FAM117B: variants seen among roughly 807,000 people sequenced by gnomAD.
FAM117B encodes protein FAM117B.
In FAM117B, 22 loss-of-function variants were observed where a neutral mutation model predicts 52.8. The observed-to-expected ratio is 0.42, with a 90% CI of 0.30 to 0.59. The LOEUF is 0.59. Among genes scored for constraint, FAM117B ranks in the 20% least tolerant of loss-of-function variants. The pLI is 0.22. For synonymous variants in FAM117B, 309 were observed against 324.1 expected, an observed-to-expected ratio of 0.95 and a Z score of 0.50; for missense variants, 678 against 802.6, an observed-to-expected ratio of 0.84 and a Z score of 1.88.
At chr2:202,677,564 A>G (rs1690398548) in intron 1 of FAM117B, among the ~76,000 whole-genome samples, 2 of 152,194 alleles carry the variant, frequency 1.3e-5, no homozygotes, top group African/African-American at 4.8e-5. Flanking sequence ...GAGGCCTTCT[A>G]ACGTGTAGTG....
intron 4 of FAM117B, among the ~76,000 whole-genome samples, chr2:202,745,740 T>G (rs1691621657): frequency 6.6e-6 from 1 of 151,922 alleles, no homozygotes; most frequent in Non-Finnish European, 1.5e-5. Flanking sequence ...TGATTTAAAG[T>G]GAAGGGATGG....
At chr2:202,725,291 C>A in intron 3 of FAM117B, 3 of 190,864 alleles carry the variant, frequency 1.6e-5, no homozygotes, top group East Asian at 1.2e-4. Flanking sequence ...AACAAATTCA[C>A]ATTTATTCTT....
chr2:202,637,592 AT>A (rs1351824044), intron 1 of FAM117B, among the ~76,000 whole-genome samples: 1 of 152,196 alleles, frequency 6.6e-6, no homozygotes, highest in Non-Finnish European at 1.5e-5. Context: ...TAAAACTGTG[AT>A]AAAAGTACTA....
intron 4 of FAM117B, among the ~76,000 whole-genome samples, chr2:202,730,510 AAAC>A (rs1189414501): frequency 6.6e-6 from 1 of 152,082 alleles, no homozygotes; most frequent in Non-Finnish European, 1.5e-5. Context: ...TCTCTACTAA[AAAC>A]ACAAAAATAA....
At position 202,722,256 on chromosome 2, in the gene FAM117B, C is replaced by T. The variant is rs187416055; in HGVS notation, c.754-2661C>T. On this transcript the variant is annotated intron_variant, in intron 2 of 7. Coordinates refer to ENST00000392238, the MANE Select transcript of FAM117B (RefSeq NM_173511.4). ...CAAACTTCTGACTTCGTGATCCACC[C>T]GCCTCGGCCTCCTGGGATTACAGGC... Among the ~76,000 whole-genome samples, 873 of 152,038 alleles carry T rather than the reference C, an allele frequency of 5.7e-3. 7 individuals are homozygous for T. Among genetic ancestry groups the T allele is most frequent in the Non-Finnish European group, 9.3e-3 (635 of 67,992 alleles).
At position 202,765,696 on chromosome 2, in the gene FAM117B, A is replaced by G. The variant is rs1445784435; in HGVS notation, c.1702A>G (p.Thr568Ala). The change falls in exon 8 of 8, where the codon ACA (threonine) becomes GCA (alanine). Residue 568 changes from threonine (T) to alanine (A), a missense_variant. Thr to Ala is a moderately conservative substitution (Grantham distance 58). Around this residue, in one of 3 missense-constraint regions of FAM117B, gnomAD observed 68 missense variants for 80.6 expected, o/e 0.84. Coordinates refer to ENST00000392238, the MANE Select transcript of FAM117B (RefSeq NM_173511.4). ...NTEQDRVSRG[T>A]STVMPSASLL... ...AGAGCAAGACCGAGTCTCTCGAGGAACAAGTACAGTCATGCCATCAGCTTC... is the reference window on the plus strand; with the variant it reads ...AGAGCAAGACCGAGTCTCTCGAGGAGCAAGTACAGTCATGCCATCAGCTTC... 1.9e-6 allele frequency: 3 copies of G among 1,614,044 alleles called. No individual in the cohort carries two copies. Among genetic ancestry groups the G allele is most frequent in the Non-Finnish European group, 2.5e-6 (3 of 1,180,042 alleles).
At chr2:202,755,805 T>A (rs1303779246) in intron 5 of FAM117B, 124 bp downstream of exon 5, 3 of 986,560 alleles carry the variant, frequency 3.0e-6, no homozygotes, top group Non-Finnish European at 2.9e-6. Context: ...TTTATCTCTT[T>A]TGAAAAATCT....
At chr2:202,667,913 A>G (rs1467291939) in intron 1 of FAM117B, among the ~76,000 whole-genome samples, 1 of 151,834 alleles carries the variant, frequency 6.6e-6, no homozygotes, top group Non-Finnish European at 1.5e-5. Context: ...GGATAGTAGT[A>G]GAGTAGTATT....
At chr2:202,760,898 C>T (rs1460767399) in intron 7 of FAM117B, among the ~76,000 whole-genome samples, 1 of 152,146 alleles carries the variant, frequency 6.6e-6, no homozygotes, top group Non-Finnish European at 1.5e-5. Context: ...GGAGTTGTGC[C>T]TGCCCCCCTC....
rs968286384 is a variant in FAM117B, at chr2:202,684,779, T to C, written c.602-11102T>C. ...CAGAAACATATATTAAACAAGATCA[T>C]GTATTGATTGGTTGATGAAAGTGTT... On this transcript the variant is annotated intron_variant, in intron 1 of 7. Coordinates refer to ENST00000392238, the MANE Select transcript of FAM117B (RefSeq NM_173511.4). Among the ~76,000 whole-genome samples, 17 of 152,134 alleles carry C rather than the reference T, an allele frequency of 1.1e-4. 1 individual carries two copies. Among genetic ancestry groups the C allele is most frequent in the Admixed American group, 1.1e-3 (17 of 15,256 alleles).
At chr2:202,758,839 C>T (rs556957609) in intron 6 of FAM117B, among the ~76,000 whole-genome samples, 53 of 152,228 alleles carry the variant, frequency 3.5e-4, no homozygotes, top group African/African-American at 1.3e-3. Flanking sequence ...TTGTAACCAG[C>T]GGAGCAGAGA....
chr2:202,738,513 A>G (rs1691475459), intron 4 of FAM117B, among the ~76,000 whole-genome samples: 1 of 152,354 alleles, frequency 6.6e-6, no homozygotes, highest in East Asian at 1.9e-4. Context: ...ATCTAAGATT[A>G]GTGAAGTACT....
intron 2 of FAM117B, among the ~76,000 whole-genome samples, chr2:202,721,610 C>T (rs1203709236): frequency 1.3e-5 from 2 of 152,032 alleles, no homozygotes; most frequent in Non-Finnish European, 2.9e-5. Flanking sequence ...CTTTAATTAC[C>T]TTATAATTTT....
At position 202,766,982 on chromosome 2, in the gene FAM117B, C is replaced by G. The variant is rs1410194835; in HGVS notation, c.*1218C>G. 1 of 152,538 alleles carries G rather than the reference C, an allele frequency of 6.6e-6. No individual in the cohort carries two copies. The highest frequency in any genetic ancestry group is 2.4e-5 in the African/African-American group (1 of 41,400). The allele number at this position is 152,538 out of a possible 1,614,324, so 9.4% of individuals were successfully genotyped here. On this transcript the variant is annotated 3_prime_UTR_variant, in exon 8 of 8. Transcript: ENST00000392238. ...CTACAGATTTTGCTAATTTACCCCCCTAACGCTTCACATAGTGGGGAAAAT... is the reference window on the plus strand; with the variant it reads ...CTACAGATTTTGCTAATTTACCCCCGTAACGCTTCACATAGTGGGGAAAAT...
At chr2:202,761,653 A>G (rs1175228890) in intron 7 of FAM117B, among the ~76,000 whole-genome samples, 3 of 152,048 alleles carry the variant, frequency 2.0e-5, no homozygotes, top group African/African-American at 7.3e-5. Context: ...CAGCCTCCCA[A>G]GTAGCTGGGA....
chr2:202,662,232 G>T (rs1690141666), intron 1 of FAM117B, among the ~76,000 whole-genome samples: 2 of 152,038 alleles, frequency 1.3e-5, no homozygotes, highest in Non-Finnish European at 1.5e-5. Flanking sequence ...GTCATTTGTG[G>T]CAGCATGGGT....
chr2:202,682,537 G>A lies in FAM117B; in HGVS notation c.602-13344G>A, dbSNP rs192155088. 1.8e-3 allele frequency among the ~76,000 whole-genome samples: 276 copies of A among 152,244 alleles called. 5 individuals carry two copies. Among genetic ancestry groups the A allele is most frequent in the East Asian group, 7.7e-4 (4 of 5,174 alleles). On this transcript the variant is annotated intron_variant, in intron 1 of 7. Coordinates refer to ENST00000392238, the MANE Select transcript of FAM117B (RefSeq NM_173511.4). ...GCCGAAGTGGCTGGCTAGTTCCAGCGCCCATACATCCCTGTTACTGCCTGA... is the reference window on the plus strand; with the variant it reads ...GCCGAAGTGGCTGGCTAGTTCCAGCACCCATACATCCCTGTTACTGCCTGA...
intron 2 of FAM117B, among the ~76,000 whole-genome samples, chr2:202,721,041 G>T (rs1020762574): frequency 7.9e-5 from 12 of 152,038 alleles, no homozygotes; most frequent in Non-Finnish European, 1.0e-4. Context: ...CTGCAACCTT[G>T]TATTTCACTT....
chr2:202,652,428 C>T (rs1419037263), intron 1 of FAM117B, among the ~76,000 whole-genome samples: 1 of 152,148 alleles, frequency 6.6e-6, no homozygotes, highest in Non-Finnish European at 1.5e-5. Context: ...CCCGTGCTCA[C>T]TTTGTGCAGA....
Sources: allele counts gnomAD v4.1 joint callset (sites outside exome capture counted in the v4.1 genomes callset), GRCh38; gene constraint gnomAD v4.1.1; regional missense constraint gnomAD v4.1.1; transcripts MANE v1.5; gene names NCBI Gene and HGNC (gene_info 2026-07-23, HGNC 2026-07-21).